Variants in MCPH1 observed in about 807,000 individuals in gnomAD.
MCPH1 encodes the protein microcephalin.
Under a neutral mutation model 84.5 loss-of-function variants are expected in MCPH1, and 104 were observed. The observed-to-expected ratio is 1.23, with a 90% CI of 1.05 to 1.45. The LOEUF (loss-of-function observed/expected upper bound fraction) is 1.45, where lower values mean the gene tolerates loss of function less well. MCPH1 is among the 40% of genes most tolerant of loss of function. The probability of loss-of-function intolerance (pLI) is 0.00; values close to 1 mark genes in which losing one functional copy is unlikely to be tolerated. For synonymous variants in MCPH1, 514 were observed against 366.8 expected, an observed-to-expected ratio of 1.40 and a Z score of -4.58; for missense variants, 1,498 against 1,005.7, an observed-to-expected ratio of 1.49 and a Z score of -6.62.
At chr8:6,519,444 GA>G (rs1563333583) in intron 12 of MCPH1, among the ~76,000 whole-genome samples, 1 of 152,176 alleles carries the variant, frequency 6.6e-6, no homozygotes, top group Non-Finnish European at 1.5e-5. Context: ...ACTGAAAAAT[GA>G]CTTTGACACA....
chr8:6,504,769 G>A (rs376090607), intron 12 of MCPH1, among the ~76,000 whole-genome samples: 1 of 152,108 alleles, frequency 6.6e-6, no homozygotes, highest in Admixed American at 6.5e-5. Flanking sequence ...TTTTATTATT[G>A]TTAAGTCTCT....
intron 12 of MCPH1, among the ~76,000 whole-genome samples, chr8:6,592,631 T>TTG (rs1828575646): frequency 7.1e-6 from 1 of 140,682 alleles, no homozygotes. Flanking sequence ...TTGTTTTTTT[T>TTG]TTTTTTTTTT....
intron 12 of MCPH1, among the ~76,000 whole-genome samples, chr8:6,576,727 T>TTTTTA (rs1827153031): frequency 9.2e-6 from 1 of 108,320 alleles, no homozygotes; most frequent in African/African-American, 3.7e-5. Flanking sequence ...TTTTTTTTTT[T>TTTTTA]AGTAGAGATG....
chr8:6,593,160 T>A (rs1468685847), intron 12 of MCPH1, among the ~76,000 whole-genome samples: 1 of 145,792 alleles, frequency 6.9e-6, no homozygotes, highest in Non-Finnish European at 1.5e-5. Flanking sequence ...CTTGGCTCAC[T>A]GCAACCTCTA....
chr8:6,525,084 T>C (rs1818082188), intron 12 of MCPH1, among the ~76,000 whole-genome samples: 1 of 152,250 alleles, frequency 6.6e-6, no homozygotes, highest in Admixed American at 6.5e-5. Context: ...TAAATCCACC[T>C]TTTTTTGACA....
chr8:6,441,848 G>C (rs1035064689), intron 6 of MCPH1, among the ~76,000 whole-genome samples: 1 of 152,128 alleles, frequency 6.6e-6, no homozygotes, highest in Non-Finnish European at 1.5e-5. Context: ...AAAAATCCAT[G>C]ATTATCAAAT....
At chr8:6,491,446 G>C (rs2442483) in intron 11 of MCPH1, among the ~76,000 whole-genome samples, 98,380 of 147,970 alleles carry the variant, frequency 0.66, 36,420 homozygotes, top group Non-Finnish European at 0.8. Flanking sequence ...TAAAAGCATT[G>C]CTCAGAACAT....
intron 12 of MCPH1, among the ~76,000 whole-genome samples, chr8:6,513,130 A>C (rs991172393): frequency 1.3e-5 from 2 of 152,212 alleles, no homozygotes; most frequent in Admixed American, 6.5e-5. Flanking sequence ...GAGTTCTTCT[A>C]GGCTTTGAAG....
chr8:6,480,640 A>G (rs139092696), intron 10 of MCPH1, 74 bp from the exon 11 acceptor site: 3 of 1,556,840 alleles, frequency 1.9e-6, no homozygotes, highest in African/African-American at 2.7e-5. Context: ...TAGTACTAAT[A>G]TTGAGTGTAA....
intron 12 of MCPH1, chr8:6,532,501 G>T: frequency 5.0e-6 from 8 of 1,588,574 alleles, no homozygotes; most frequent in Non-Finnish European, 6.0e-6. Context: ...GAAAAGAACA[G>T]TGTTAGAAGG....
chr8:6,630,593 C>G (rs893984001), intron 13 of MCPH1, among the ~76,000 whole-genome samples: 2 of 152,046 alleles, frequency 1.3e-5, no homozygotes, highest in South Asian at 4.2e-4. Context: ...ACCAGCCTGA[C>G]CAACACGGTG....
At chr8:6,479,906 T>G (rs934823922) in intron 10 of MCPH1, among the ~76,000 whole-genome samples, 8 of 152,092 alleles carry the variant, frequency 5.3e-5, no homozygotes, top group African/African-American at 1.9e-4. Context: ...CAGATTTGAT[T>G]TGATGATTTA....
At chr8:6,588,814 G>A (rs964302357) in intron 12 of MCPH1, among the ~76,000 whole-genome samples, 2 of 152,210 alleles carry the variant, frequency 1.3e-5, no homozygotes, top group South Asian at 2.1e-4. Flanking sequence ...CTGCCCTTGG[G>A]CCAGGTCACT....
At chr8:6,471,102 AC>A (rs1364978516) in intron 9 of MCPH1, among the ~76,000 whole-genome samples, 1 of 152,082 alleles carries the variant, frequency 6.6e-6, no homozygotes, top group African/African-American at 2.4e-5. Flanking sequence ...TGACCAACAT[AC>A]TCAGTGGATC....
chr8:6,499,066 TTAAATAAATAAATAAATAAA>T (rs150879047), intron 11 of MCPH1, among the ~76,000 whole-genome samples: 11,906 of 148,144 alleles, frequency 0.08, 505 homozygotes, highest in African/African-American at 0.097. Context: ...AATAAATAAA[TTAAATAAATAAATAAATAAA>T]TAAATAAATA....
intron 12 of MCPH1, among the ~76,000 whole-genome samples, chr8:6,591,354 T>C (rs535115069): frequency 3.9e-5 from 6 of 152,228 alleles, no homozygotes; most frequent in South Asian, 4.1e-4. Flanking sequence ...TTTATTAAGG[T>C]CTTGATCTCA....
chr8:6,580,034 G>T (rs1827427854), intron 12 of MCPH1, among the ~76,000 whole-genome samples: 1 of 152,142 alleles, frequency 6.6e-6, no homozygotes, highest in African/African-American at 2.4e-5. Flanking sequence ...TCAAACTCCT[G>T]GGTAGTCAGC....
rs1821583268 is a variant in MCPH1, at chr8:6,541,564, C to A, written c.2214+41635C>A. On this transcript the variant is annotated intron_variant, in intron 12 of 13. Transcript: ENST00000344683. The stretch of plus-strand genomic sequence containing the variant: ...CGAATGCGGAGACGCTCGGCAGGTC[C>A]TTGGTGGCCTCTGAGTTATTCTGCA... Among the ~76,000 whole-genome samples, 3 of 152,156 alleles carry A rather than the reference C, an allele frequency of 2.0e-5. No individual in the cohort carries two copies. In the South Asian group the frequency reaches 6.2e-4, roughly 32 times the overall value.
chr8:6,471,933 C>T (rs1234641004), intron 9 of MCPH1, among the ~76,000 whole-genome samples: 1 of 152,182 alleles, frequency 6.6e-6, no homozygotes, highest in Non-Finnish European at 1.5e-5. Flanking sequence ...GGCTATGGTT[C>T]TCGTATTACT....
Sources: allele counts gnomAD v4.1 joint callset (sites outside exome capture counted in the v4.1 genomes callset), GRCh38; gene constraint gnomAD v4.1.1; transcripts MANE v1.5; gene names NCBI Gene and HGNC (gene_info 2026-07-23, HGNC 2026-07-21).